The following PRKAR2A variants were observed in gnomAD, a reference collection of about 807,000 sequenced individuals.
The protein encoded by PRKAR2A is cAMP-dependent protein kinase type II-alpha regulatory subunit.
PRKAR2A carries 29 observed loss-of-function variants against 51.9 expected under a neutral mutation model. The observed-to-expected ratio is 0.56, with a 90% CI of 0.42 to 0.76. The LOEUF is 0.76. Among genes scored for constraint, PRKAR2A ranks in the 30% least tolerant of loss-of-function variants. The pLI, the probability that PRKAR2A is intolerant of heterozygous loss-of-function variation, is 0.00. For synonymous variants in PRKAR2A, 178 were observed against 186.2 expected (o/e 0.96, Z 0.36); for missense variants, 445 against 512.1 (o/e 0.87, Z 1.26).
At chr3:48,792,455 C>CA (rs1374883160) in intron 3 of PRKAR2A, among the ~76,000 whole-genome samples, 3 of 66,808 alleles carry the variant, frequency 4.5e-5, no homozygotes, top group African/African-American at 1.7e-4. Context: ...AAGGTTTAAT[C>CA]TTTTTTTTTT....
chr3:48,798,607 G>C (rs959734880), intron 2 of PRKAR2A, among the ~76,000 whole-genome samples: 2 of 151,006 alleles, frequency 1.3e-5, no homozygotes, highest in African/African-American at 4.9e-5. Context: ...AAATAAATGG[G>C]TACATGGGTA....
intron 2 of PRKAR2A, among the ~76,000 whole-genome samples, chr3:48,803,368 C>G (rs993751918): frequency 6.6e-6 from 1 of 152,066 alleles, no homozygotes; most frequent in Non-Finnish European, 1.5e-5. Flanking sequence ...TATGATTGTA[C>G]CAATGCACTC....
At chr3:48,780,475 C>A (rs1482752897) in intron 5 of PRKAR2A, among the ~76,000 whole-genome samples, 1 of 151,466 alleles carries the variant, frequency 6.6e-6, no homozygotes, top group Non-Finnish European at 1.5e-5. Context: ...TGGTGACGGG[C>A]GCCTGTAGTC....
chr3:48,816,917 C>T (rs2082883297), intron 1 of PRKAR2A, among the ~76,000 whole-genome samples: 2 of 152,172 alleles, frequency 1.3e-5, no homozygotes, highest in Admixed American at 1.3e-4. Context: ...TACAATGGCT[C>T]ATGCCTGTAA....
rs1479953013 is a variant in PRKAR2A at position 48,751,720 on chromosome 3, T to C, written c.1082-2A>G. The C allele has an allele frequency of 8.1e-6, 13 of 1,608,214 alleles. No individual in the cohort carries two copies. Among genetic ancestry groups the C allele is most frequent in the Non-Finnish European group, 1.1e-5 (13 of 1,175,582 alleles). ...TCTCGAATGCTTGTACATCCATAAC[T>C]GCATTGTTAAAAAGAGGTGAGGGAG... On this transcript the variant is annotated splice_acceptor_variant, in intron 10 of 10. Transcript: ENST00000265563. LOFTEE classifies it high-confidence loss of function.
intron 1 of PRKAR2A, among the ~76,000 whole-genome samples, chr3:48,823,646 T>G (rs2083007014): frequency 6.6e-6 from 1 of 150,788 alleles, no homozygotes; most frequent in African/African-American, 2.4e-5. Flanking sequence ...ATTAGCTGGG[T>G]ATGGTGGCGC....
Position 48,756,327 on chromosome 3 carries a change from CAAAT to C in PRKAR2A, c.939+48_939+51del, listed in dbSNP as rs2081763184. The C allele has an allele frequency of 3.4e-6, 5 of 1,489,094 alleles. No homozygotes were observed. In the Admixed American group the frequency reaches 8.4e-5, roughly 25 times the overall value. The allele number at this position is 1,489,094 out of a possible 1,614,324, so 92.2% of individuals were successfully genotyped here. A position where few individuals can be genotyped will look rare whatever the true frequency, so the allele number is the denominator to read the frequency against. On this transcript the variant is annotated intron_variant, in intron 9 of 10. Transcript: ENST00000265563. ...TCAACACACTTCACATTATTTAAAA[CAAAT>C]AGTTACTTTTTGTGTGTACACCATC...
chr3:48,775,988 T>A (rs962764835), intron 5 of PRKAR2A, among the ~76,000 whole-genome samples: 5 of 152,048 alleles, frequency 3.3e-5, no homozygotes, highest in Admixed American at 6.6e-5. Flanking sequence ...GTGCCTGTAA[T>A]CCCAGCTATT....
At chr3:48,787,247 G>A (rs1458586309) in intron 4 of PRKAR2A, among the ~76,000 whole-genome samples, 1 of 152,054 alleles carries the variant, frequency 6.6e-6, no homozygotes. Context: ...GTGCAATGGT[G>A]TGGTCTTAGC....
chr3:48,781,746 C>T (rs1011851182), intron 5 of PRKAR2A, among the ~76,000 whole-genome samples: 29 of 151,748 alleles, frequency 1.9e-4, no homozygotes, highest in African/African-American at 6.8e-4. Context: ...CTCCTGACCT[C>T]GTGATCTGCC....
At chr3:48,769,452 C>T (rs879629938) in intron 6 of PRKAR2A, among the ~76,000 whole-genome samples, 4 of 151,434 alleles carry the variant, frequency 2.6e-5, no homozygotes, top group Admixed American at 6.6e-5. Flanking sequence ...CCACTGTGCC[C>T]GACCACAACA....
At chr3:48,772,217 T>A (rs780386225) in intron 6 of PRKAR2A, among the ~76,000 whole-genome samples, 4 of 152,332 alleles carry the variant, frequency 2.6e-5, no homozygotes, top group Middle Eastern at 3.4e-3. Flanking sequence ...CATCTTGGTC[T>A]GAACCAGTAG....
Position 48,810,626 on chromosome 3 carries a change from T to A in PRKAR2A, c.263-2942A>T, listed in dbSNP as rs117993877. Among the ~76,000 whole-genome samples, 125 of 152,158 alleles carry A rather than the reference T, an allele frequency of 8.2e-4. 4 individuals are homozygous for A. The East Asian group carries it at 0.022, about 27-fold the overall frequency. Reference sequence around the variant, plus strand: ...ACTGTCTCTTAAAAAAATGTTTTTTTAATTTTTTAAATTAAAAAAATAAAA... The same window carrying A: ...ACTGTCTCTTAAAAAAATGTTTTTTAAATTTTTTAAATTAAAAAAATAAAA... On this transcript the variant is annotated intron_variant, in intron 1 of 10. Coordinates refer to ENST00000265563, the MANE Select transcript of PRKAR2A (RefSeq NM_004157.4).
chr3:48,823,179 T>G (rs1575932234), intron 1 of PRKAR2A, among the ~76,000 whole-genome samples: 1 of 152,076 alleles, frequency 6.6e-6, no homozygotes, highest in Non-Finnish European at 1.5e-5. Flanking sequence ...GTGCTGGGAT[T>G]ACAGGTGTAA....
At chr3:48,811,773 A>G (rs1468678419) in intron 1 of PRKAR2A, among the ~76,000 whole-genome samples, 3 of 152,150 alleles carry the variant, frequency 2.0e-5, no homozygotes, top group Non-Finnish European at 4.4e-5. Context: ...CCACAAAATT[A>G]TACACTTTAA....
intron 3 of PRKAR2A, among the ~76,000 whole-genome samples, chr3:48,791,786 C>T (rs1426716896): frequency 4.7e-5 from 7 of 149,958 alleles, no homozygotes; most frequent in South Asian, 4.2e-4. Flanking sequence ...GCCTGTAATC[C>T]CAGCTACCCG....
At position 48,839,633 on chromosome 3, in the gene PRKAR2A, A is replaced by C. The variant is rs560128753; in HGVS notation, c.262+7702T>G. ...GCTGTTATTAAAATAACAGCTAGTAAGTTTTTTGACTCTTTCCAATAGGAT... is the reference window on the plus strand; with the variant it reads ...GCTGTTATTAAAATAACAGCTAGTACGTTTTTTGACTCTTTCCAATAGGAT... On this transcript the variant is annotated intron_variant, in intron 1 of 10. Transcript: ENST00000265563. 7.8e-4 allele frequency among the ~76,000 whole-genome samples: 118 copies of C among 152,252 alleles called. 2 individuals are homozygous for C. The South Asian group carries it at 0.017, about 21-fold the overall frequency.
Position 48,764,988 on chromosome 3 carries a change from T to C in PRKAR2A, c.873+16A>G, listed in dbSNP as rs1241020890. On this transcript the variant is annotated intron_variant, in intron 8 of 10. Coordinates refer to ENST00000265563, the MANE Select transcript of PRKAR2A (RefSeq NM_004157.4). ...GGTGACTTCCAGGAAAGGAGCTGCG[T>C]AAAGCCCTCACTCACCTGAGTGATT... 1.9e-6 allele frequency: 3 copies of C among 1,611,012 alleles called. No individual in the cohort carries two copies. The highest frequency in any genetic ancestry group is 2.2e-5 in the East Asian group (1 of 44,860).
At chr3:48,817,213 C>A (rs1575924106) in intron 1 of PRKAR2A, among the ~76,000 whole-genome samples, 1 of 151,426 alleles carries the variant, frequency 6.6e-6, no homozygotes, top group Non-Finnish European at 1.5e-5. Context: ...TGTAGTCCCA[C>A]CGATTCGGGA....
Sources: allele counts gnomAD v4.1 joint callset (sites outside exome capture counted in the v4.1 genomes callset), GRCh38; gene constraint gnomAD v4.1.1; transcripts MANE v1.5; gene names NCBI Gene and HGNC (gene_info 2026-07-23, HGNC 2026-07-21).